The following ARHGAP32 variants were observed in gnomAD, a reference collection of about 807,000 sequenced individuals.
ARHGAP32 encodes rho GTPase-activating protein 32.
Under a neutral mutation model 186.5 loss-of-function variants are expected in ARHGAP32, and 51 were observed. That is an observed-to-expected ratio of 0.27 (90% confidence interval 0.22 to 0.35). The LOEUF is 0.35. Ranked by LOEUF, ARHGAP32 falls within the 10% of genes least tolerant of loss-of-function variation. ARHGAP32 has a pLI of 1.00. For missense variants in ARHGAP32, 2,186 were observed against 2,623.5 expected, an observed-to-expected ratio of 0.83 and a Z score of 3.64; for synonymous variants, 950 against 964.3, an observed-to-expected ratio of 0.99 and a Z score of 0.27.
intron 2 of ARHGAP32, among the ~76,000 whole-genome samples, chr11:129,133,107 T>C (rs928242263): frequency 6.6e-6 from 1 of 152,150 alleles, no homozygotes; most frequent in Non-Finnish European, 1.5e-5. Flanking sequence ...ACGTCTTACA[T>C]GTTTAGAGCC....
At chr11:129,261,551 G>A (rs1945320684) in intron 1 of ARHGAP32, among the ~76,000 whole-genome samples, 1 of 152,152 alleles carries the variant, frequency 6.6e-6, no homozygotes, top group Non-Finnish European at 1.5e-5. Flanking sequence ...GTCTATGTGT[G>A]CAAGCCTGGC....
At chr11:129,269,360 T>A (rs1023757422) in intron 1 of ARHGAP32, among the ~76,000 whole-genome samples, 2 of 150,850 alleles carry the variant, frequency 1.3e-5, no homozygotes, top group African/African-American at 2.4e-5. Flanking sequence ...AAGAAAGAGG[T>A]GGGGGTGCTA....
At chr11:129,180,518 T>C (rs1944033642) in intron 1 of ARHGAP32, among the ~76,000 whole-genome samples, 1 of 152,146 alleles carries the variant, frequency 6.6e-6, no homozygotes, top group Non-Finnish European at 1.5e-5. Flanking sequence ...AGTTTATTGG[T>C]AAATGTTACA....
chr11:129,035,119 C>T (rs1591551513), intron 11 of ARHGAP32, among the ~76,000 whole-genome samples: 1 of 152,006 alleles, frequency 6.6e-6, no homozygotes, highest in Non-Finnish European at 1.5e-5. Context: ...CCTAGGGTGA[C>T]TGAATAAAAT....
chr11:128,988,205 G>T, intron 12 of ARHGAP32, 80 bp from the exon 13 acceptor site: 1 of 1,003,588 alleles, frequency 1.0e-6, no homozygotes, highest in Non-Finnish European at 1.5e-6. Flanking sequence ...GATTGTCTTA[G>T]TTTACAAAAG....
chr11:129,137,899 T>C (rs1310857738), intron 2 of ARHGAP32, among the ~76,000 whole-genome samples: 2 of 152,064 alleles, frequency 1.3e-5, no homozygotes, highest in African/African-American at 4.8e-5. Flanking sequence ...GCTGATTAAA[T>C]ACTAAAGAAT....
chr11:128,988,262 C>A, intron 12 of ARHGAP32, 137 bp from the exon 13 acceptor site: 1 of 606,568 alleles, frequency 1.6e-6, no homozygotes, highest in African/African-American at 1.8e-5. Context: ...AAAATTAATC[C>A]ACTACAAAAA....
rs1565349277 is a variant in ARHGAP32 at position 128,974,133 on chromosome 11, T to A, written c.3064A>T (p.Thr1022Ser). The A allele has an allele frequency of 6.2e-7, 1 of 1,614,094 alleles. No homozygotes were observed. The highest frequency in any genetic ancestry group is 1.3e-5 in the African/African-American group (1 of 75,038). Residue 1022 changes from threonine (T) to serine (S), a missense_variant, in exon 21 of 23, where the codon ACT becomes TCT. Around this residue, in one of 5 missense-constraint regions of ARHGAP32, gnomAD observed 1,502 missense variants for 1,570.0 expected, o/e 0.96. Transcript: ENST00000682385. ...GGAAAACAAACGGTACCTGTCTGAG[T>A]CTGTCCAGAAGCTACAGCCTTACTC... ...SQSKAVASGQTQTGAVTHDPP... is the reference protein window; with the variant it reads ...SQSKAVASGQSQTGAVTHDPP...
chr11:128,972,045 G>T, intron 22 of ARHGAP32: 1 of 154,680 alleles, frequency 6.5e-6, no homozygotes, highest in African/African-American at 2.4e-5. Context: ...GTGTAACTGT[G>T]AATAATTGGC....
At chr11:129,221,940 G>C (rs1025450786) in intron 1 of ARHGAP32, among the ~76,000 whole-genome samples, 2 of 152,000 alleles carry the variant, frequency 1.3e-5, no homozygotes, top group Non-Finnish European at 1.5e-5. Context: ...TTCCTTCCAA[G>C]ACCTCACTGA....
intron 5 of ARHGAP32, among the ~76,000 whole-genome samples, chr11:129,113,522 T>TTA (rs1020258463): frequency 6.6e-6 from 1 of 152,052 alleles, no homozygotes; most frequent in Non-Finnish European, 1.5e-5. Context: ...AGACTAGTAT[T>TTA]TATATATATA....
At chr11:129,170,091 A>C (rs1371822791) in intron 1 of ARHGAP32, among the ~76,000 whole-genome samples, 1 of 152,118 alleles carries the variant, frequency 6.6e-6, no homozygotes, top group African/African-American at 2.4e-5. Flanking sequence ...ATAGTGACCG[A>C]ATGAGTTTTA....
At chr11:128,975,216 G>A (rs1945507986) in intron 20 of ARHGAP32, among the ~76,000 whole-genome samples, 1 of 152,194 alleles carries the variant, frequency 6.6e-6, no homozygotes. Flanking sequence ...ACATGTGATA[G>A]AATCAGAGGG....
At chr11:129,279,104 C>A in intron 1 of ARHGAP32, 1 of 146,646 alleles carries the variant, frequency 6.8e-6, no homozygotes, top group South Asian at 1.9e-4. Context: ...GGGGCCTGCC[C>A]ACGTCACCGG....
chr11:129,246,441 T>C (rs1054413889), intron 1 of ARHGAP32, among the ~76,000 whole-genome samples: 1 of 152,134 alleles, frequency 6.6e-6, no homozygotes, highest in African/African-American at 2.4e-5. Flanking sequence ...TAGTAAAATG[T>C]TTTGATAATG....
intron 1 of ARHGAP32, among the ~76,000 whole-genome samples, chr11:129,190,365 T>C (rs750350496): frequency 2.0e-5 from 3 of 152,224 alleles, no homozygotes; most frequent in Non-Finnish European, 4.4e-5. Context: ...GACCTCTTTG[T>C]TACATTTGTA....
intron 15 of ARHGAP32, among the ~76,000 whole-genome samples, chr11:128,983,216 T>A (rs905594310): frequency 1.3e-5 from 2 of 152,164 alleles, no homozygotes; most frequent in African/African-American, 4.8e-5. Flanking sequence ...GCATTTCAAA[T>A]CAAGGTCAGA....
At chr11:129,242,277 G>T (rs1455964436) in intron 1 of ARHGAP32, among the ~76,000 whole-genome samples, 2 of 152,144 alleles carry the variant, frequency 1.3e-5, no homozygotes, top group African/African-American at 4.8e-5. Context: ...GCCCTGTTCA[G>T]AGGGCTAGTG....
intron 1 of ARHGAP32, among the ~76,000 whole-genome samples, chr11:129,238,763 A>ACG (rs1944974586): frequency 6.9e-6 from 1 of 145,446 alleles, no homozygotes; most frequent in South Asian, 2.3e-4. Context: ...TTAAACACAC[A>ACG]CACACACACA....
Sources: allele counts gnomAD v4.1 joint callset (sites outside exome capture counted in the v4.1 genomes callset), GRCh38; gene constraint gnomAD v4.1.1; regional missense constraint gnomAD v4.1.1; transcripts MANE v1.5; gene names NCBI Gene and HGNC (gene_info 2026-07-23, HGNC 2026-07-21).